NFKB1: variants seen among roughly 807,000 people sequenced by gnomAD.
NFKB1 encodes the protein nuclear factor NF-kappa-B p105 subunit.
NFKB1 carries 9 observed loss-of-function variants against 105.1 expected under a neutral mutation model. That is an observed-to-expected ratio of 0.09 (90% CI 0.05 to 0.15). The LOEUF (loss-of-function observed/expected upper bound fraction) is 0.15, where lower values mean the gene tolerates loss of function less well. NFKB1 is among the 10% of genes least tolerant of loss of function. The probability of loss-of-function intolerance (pLI) is 1.00; values close to 1 mark genes in which losing one functional copy is unlikely to be tolerated. For synonymous variants in NFKB1, 440 were observed against 442.2 expected, an observed-to-expected ratio of 1.00 and a Z score of 0.06; for missense variants, 830 against 1,203.7, an observed-to-expected ratio of 0.69 and a Z score of 4.59.
rs145682254 is a variant in NFKB1 at position 102,518,951 on chromosome 4, C to T, written c.-7-6561C>T. Among the ~76,000 whole-genome samples the T allele has an allele frequency of 1.5e-3, 235 of 152,292 alleles. 1 individual carries two copies. Among genetic ancestry groups the T allele is most frequent in the African/African-American group, 5.4e-3 (224 of 41,566 alleles). ...GGGTTTAGAACTTGTACTTCTACCTCTTCCTATTGGTCAGAGTATGTCCGT... is the reference window on the plus strand; with the variant it reads ...GGGTTTAGAACTTGTACTTCTACCTTTTCCTATTGGTCAGAGTATGTCCGT... On this transcript the variant is annotated intron_variant, in intron 1 of 23. Transcript: ENST00000226574.
In NFKB1 at chr4:102,579,636, CAA is replaced by C. The variant is rs1288717126; in HGVS notation, c.730+607_730+608del. Among the ~76,000 whole-genome samples, 138 of 106,304 alleles carry C rather than the reference CAA, an allele frequency of 1.3e-3. 1 individual carries two copies. The highest frequency in any genetic ancestry group is 4.5e-3 in the African/African-American group (128 of 28,444). The allele number at this position is 106,304 out of a possible 152,430, so 69.7% of individuals were successfully genotyped here. ...TGAGCAACATAATGAGACCCCATCTCAAAAAAAAAAATATATATATATATATA... is the reference window on the plus strand; with the variant it reads ...TGAGCAACATAATGAGACCCCATCTCAAAAAAAAATATATATATATATATA... On this transcript the variant is annotated intron_variant, in intron 8 of 23. Coordinates refer to ENST00000226574, the MANE Select transcript of NFKB1 (RefSeq NM_003998.4).
chr4:102,511,062 T>C, intron 1 of NFKB1: 1 of 613,698 alleles, frequency 1.6e-6, no homozygotes, highest in African/African-American at 1.9e-5. Context: ...TCTTCCATCT[T>C]CGTATAGTGT....
At chr4:102,558,727 T>C (rs1035115781) in intron 5 of NFKB1, among the ~76,000 whole-genome samples, 2 of 152,112 alleles carry the variant, frequency 1.3e-5, no homozygotes, top group African/African-American at 4.8e-5. Context: ...CATAGCCCAA[T>C]GCCACCTTGA....
At chr4:102,615,198 G>T (rs1728832462) in intron 23 of NFKB1, among the ~76,000 whole-genome samples, 1 of 152,198 alleles carries the variant, frequency 6.6e-6, no homozygotes, top group Non-Finnish European at 1.5e-5. Context: ...TCCTGATCCA[G>T]CATACACTGT....
intron 11 of NFKB1, among the ~76,000 whole-genome samples, chr4:102,587,042 T>C (rs1273055621): frequency 2.0e-5 from 3 of 152,214 alleles, no homozygotes; most frequent in Admixed American, 6.5e-5. Context: ...TTTGAAAACA[T>C]TGTCAGCACA....
chr4:102,566,295 A>G (rs1352792704), intron 5 of NFKB1, among the ~76,000 whole-genome samples: 1 of 152,204 alleles, frequency 6.6e-6, no homozygotes, highest in Non-Finnish European at 1.5e-5. Flanking sequence ...AGCAACAGCA[A>G]ACAGGGGTGA....
intron 6 of NFKB1, among the ~76,000 whole-genome samples, chr4:102,570,185 T>G (rs1578775271): frequency 6.6e-6 from 1 of 152,158 alleles, no homozygotes; most frequent in East Asian, 1.9e-4. Context: ...TGGTAAGCAC[T>G]AGGAGTAGAT....
In NFKB1 at chr4:102,512,308, C is replaced by T. The variant is rs78872571; in HGVS notation, c.-8+10520C>T. ...TATAGTTCACCTATTTCTCCCCACT[C>T]AGTTTATACATTGACATCTGTATGT... On this transcript the variant is annotated intron_variant, in intron 1 of 23. Coordinates refer to ENST00000226574, the MANE Select transcript of NFKB1 (RefSeq NM_003998.4). Among the ~76,000 whole-genome samples the T allele has an allele frequency of 4.8e-3, 729 of 152,264 alleles. 16 individuals carry two copies. Among genetic ancestry groups the T allele is most frequent in the East Asian group, 0.031 (163 of 5,186 alleles).
chr4:102,552,105 G>T (rs565592710), intron 5 of NFKB1, among the ~76,000 whole-genome samples: 6 of 152,312 alleles, frequency 3.9e-5, no homozygotes, highest in African/African-American at 1.4e-4. Flanking sequence ...TTTGCACTCT[G>T]TGATGAAAGG....
At chr4:102,614,475 T>C (rs1268503581) in intron 23 of NFKB1, among the ~76,000 whole-genome samples, 3 of 152,200 alleles carry the variant, frequency 2.0e-5, no homozygotes, top group Non-Finnish European at 4.4e-5. Context: ...CCACATCCCA[T>C]TTAGCTACAG....
chr4:102,545,089 C>T lies in NFKB1; in HGVS notation c.258+7133C>T, dbSNP rs564511640. On this transcript the variant is annotated intron_variant, in intron 5 of 23. Transcript: ENST00000226574. Reference sequence around the variant, plus strand: ...CTCATAAAGTCACATATTGGCAATTCGCCTTGATAAGGTCAAGTGAACACA... The same window carrying T: ...CTCATAAAGTCACATATTGGCAATTTGCCTTGATAAGGTCAAGTGAACACA... Among the ~76,000 whole-genome samples, 70 of 152,290 alleles carry T rather than the reference C, an allele frequency of 4.6e-4. 1 individual carries two copies. Among genetic ancestry groups the T allele is most frequent in the African/African-American group, 1.6e-3 (67 of 41,566 alleles).
In NFKB1 at chr4:102,616,503, C is replaced by T. The variant is rs756000027; in HGVS notation, c.2819C>T (p.Thr940Ile). Residue 940 changes from threonine to isoleucine, a missense_variant, in exon 24 of 24, where the codon ACC becomes ATC. Physicochemically the swap from Thr to Ile is moderately conservative, Grantham distance 89 (BLOSUM62 -1). Around this residue, in one of 8 missense-constraint regions of NFKB1, gnomAD observed 418 missense variants for 575.3 expected, o/e 0.73. Transcript: ENST00000226574. ...VETSFRKLSFTESLTSGASLL... is the reference protein window; with the variant it reads ...VETSFRKLSFIESLTSGASLL... ...ACATCCTTCCGCAAACTCAGCTTTA[C>T]CGAGTCTCTGACCAGTGGTGCCTCA... is the stretch of plus-strand genomic sequence containing the variant. 1.2e-6 allele frequency: 2 copies of T among 1,614,124 alleles called. No individual in the cohort carries two copies. The highest frequency in any genetic ancestry group is 1.1e-5 in the South Asian group (1 of 91,068).
intron 16 of NFKB1, among the ~76,000 whole-genome samples, chr4:102,603,599 G>C (rs1271076329): frequency 6.6e-6 from 1 of 152,046 alleles, no homozygotes; most frequent in Non-Finnish European, 1.5e-5. Flanking sequence ...ATGCCTTCTA[G>C]GTGTCAAACA....
intron 12 of NFKB1, among the ~76,000 whole-genome samples, chr4:102,593,771 T>G (rs1409567970): frequency 6.6e-6 from 1 of 152,118 alleles, no homozygotes; most frequent in South Asian, 2.1e-4. Context: ...CAAAAGTCAT[T>G]AAGAAGAAAA....
chr4:102,601,590 A>G (rs1408378853), intron 16 of NFKB1, among the ~76,000 whole-genome samples: 1 of 152,218 alleles, frequency 6.6e-6, no homozygotes, highest in Non-Finnish European at 1.5e-5. Context: ...GTGGGCTGAA[A>G]ATACAAGTTG....
chr4:102,563,645 C>T (rs1723614282), intron 5 of NFKB1, among the ~76,000 whole-genome samples: 1 of 152,002 alleles, frequency 6.6e-6, no homozygotes, highest in South Asian at 2.1e-4. Flanking sequence ...CATCATCTCC[C>T]TTTTACAGAT....
Position 102,597,401 on chromosome 4 carries a change from A to T in NFKB1, c.1496-119A>T, listed in dbSNP as rs539529393. The T allele has an allele frequency of 3.7e-5, 40 of 1,069,146 alleles. No homozygotes were observed. The South Asian group carries it at 7.4e-4, about 20-fold the overall frequency. 66.2% of individuals were successfully genotyped at this position (1,069,146 alleles called of 1,614,324 possible). ...CAAAAGCATTGAAAGAACATTTTCA[A>T]CTAAAATGATATGTCAAGGTGTCAG... is the stretch of plus-strand genomic sequence containing the variant. On this transcript the variant is annotated intron_variant, in intron 14 of 23. Coordinates refer to ENST00000226574, the MANE Select transcript of NFKB1 (RefSeq NM_003998.4).
chr4:102,560,745 T>A (rs1723355967), intron 5 of NFKB1, among the ~76,000 whole-genome samples: 1 of 152,208 alleles, frequency 6.6e-6, no homozygotes, highest in African/African-American at 2.4e-5. Context: ...CTGTTTGAAC[T>A]TCTGTTTTCT....
At chr4:102,505,470 A>T (rs1296508480) in intron 1 of NFKB1, among the ~76,000 whole-genome samples, 1 of 152,216 alleles carries the variant, frequency 6.6e-6, no homozygotes, top group Admixed American at 6.5e-5. Context: ...TTGAAATTAG[A>T]ATAATGATAT....
Sources: allele counts gnomAD v4.1 joint callset (sites outside exome capture counted in the v4.1 genomes callset), GRCh38; gene constraint gnomAD v4.1.1; regional missense constraint gnomAD v4.1.1; transcripts MANE v1.5; gene names NCBI Gene and HGNC (gene_info 2026-07-23, HGNC 2026-07-21).